The following PAX4 variants were observed in gnomAD, a reference collection of about 807,000 sequenced individuals.
PAX4 encodes paired box protein Pax-4.
In PAX4, 33 loss-of-function variants were observed where a neutral mutation model predicts 40.6. The observed-to-expected ratio is 0.81, with a 90% CI of 0.62 to 1.09. The LOEUF is 1.09. Ranked by LOEUF, PAX4 falls within the 50% of genes least tolerant of loss-of-function variation. The pLI, the probability that PAX4 is intolerant of heterozygous loss-of-function variation, is 0.00. For synonymous variants in PAX4, 174 were observed against 170.6 expected, an observed-to-expected ratio of 1.02 and a Z score of -0.16; for missense variants, 459 against 442.5, an observed-to-expected ratio of 1.04 and a Z score of -0.33.
Position 127,611,150 on chromosome 7 carries a change from G to A in PAX4, c.970C>T (p.Pro324Ser), listed in dbSNP as rs746872756. ...CTGGCCAGGTGACAGTGGGAGGAAG[G>A]GCAAGGAAGGCAAAGCAGTCCTGAG... ...LDSGLLCLPC[P>S]SSHCHLASLS... The change falls in exon 12 of 12, where the codon CCT (proline) becomes TCT (serine). Residue 324 changes from proline to serine, a missense_variant. Physicochemically the swap from Pro to Ser is moderately conservative, Grantham distance 74 (BLOSUM62 -1). Coordinates refer to ENST00000639438, the MANE Select transcript of PAX4 (RefSeq NM_001366110.1). 3.1e-6 allele frequency: 5 copies of A among 1,605,008 alleles called. No homozygotes were observed. The highest frequency in any genetic ancestry group is 4.3e-6 in the Non-Finnish European group (5 of 1,175,652).
At chr7:127,611,446 C>A (rs1794623610) in intron 11 of PAX4, 89 bp downstream of exon 11, 10 of 1,604,120 alleles carry the variant, frequency 6.2e-6, no homozygotes, top group Non-Finnish European at 8.5e-6. Context: ...CCTTTGATGA[C>A]CCCCAATGGA....
chr7:127,614,131 G>A (rs948390979), intron 6 of PAX4, among the ~76,000 whole-genome samples: 35 of 152,056 alleles, frequency 2.3e-4, no homozygotes, highest in Middle Eastern at 3.2e-3. Context: ...TGGTCCAGGG[G>A]TGTGTTATCC....
At chr7:127,614,660 C>A (rs993009086) in intron 5 of PAX4, 103 bp from the exon 6 acceptor site, 1 of 1,159,138 alleles carries the variant, frequency 8.6e-7, no homozygotes, top group African/African-American at 1.5e-5. Context: ...TCTCCACCTA[C>A]ACATTGTTCC....
rs1232896983 is a variant in PAX4 at position 127,610,806 on chromosome 7, C to T, written c.*258G>A. On this transcript the variant is annotated 3_prime_UTR_variant, in exon 12 of 12. Transcript: ENST00000639438. ...AACATGATGGACAACAGAACTACTG[C>T]TAATAAAAACAGCTTTTATTACTGC... is the stretch of plus-strand genomic sequence containing the variant. 2 of 1,407,820 alleles carry T rather than the reference C, an allele frequency of 1.4e-6. No homozygotes were observed. Among genetic ancestry groups the T allele is most frequent in the African/African-American group, 2.8e-5 (2 of 70,570 alleles). The allele number at this position is 1,407,820 out of a possible 1,614,324, so 87.2% of individuals were successfully genotyped here.
chr7:127,614,259 C>G (rs1794685820), intron 6 of PAX4, among the ~76,000 whole-genome samples: 1 of 152,126 alleles, frequency 6.6e-6, no homozygotes, highest in Non-Finnish European at 1.5e-5. Context: ...GACCTGTGTT[C>G]TGTTCCAGGG....
intron 9 of PAX4, among the ~76,000 whole-genome samples, 165 bp downstream of exon 9, chr7:127,612,857 A>G (rs1794656915): frequency 6.8e-6 from 1 of 145,996 alleles, no homozygotes. Flanking sequence ...TGAATGGATG[A>G]ATGGATGGAT....
chr7:127,615,316 C>A, intron 4 of PAX4, 85 bp downstream of exon 4: 1 of 1,612,168 alleles, frequency 6.2e-7, no homozygotes, highest in Non-Finnish European at 8.5e-7. Flanking sequence ...TCAGAGCCTG[C>A]AACAGCCCCA....
At chr7:127,615,240 G>A (rs1427050008) in intron 4 of PAX4, 145 bp from the exon 5 acceptor site, 1 of 1,591,000 alleles carries the variant, frequency 6.3e-7, no homozygotes, top group African/African-American at 1.3e-5. Flanking sequence ...ACCTTTGAGG[G>A]CCTGAGGCTC....
At chr7:127,612,258 G>A (rs1794639745) in intron 9 of PAX4, among the ~76,000 whole-genome samples, 1 of 152,234 alleles carries the variant, frequency 6.6e-6, no homozygotes, top group Non-Finnish European at 1.5e-5. Context: ...GACTGTGTGT[G>A]CCCAGCATCT....
chr7:127,613,988 G>T, intron 6 of PAX4, 107 bp from the exon 7 acceptor site: 1 of 1,338,174 alleles, frequency 7.5e-7, no homozygotes, highest in Non-Finnish European at 1.0e-6. Context: ...ATGGGTAGAA[G>T]AGCAGAGCCA....
intron 10 of PAX4, 66 bp downstream of exon 10, chr7:127,611,879 G>C: frequency 2.5e-6 from 4 of 1,609,292 alleles, no homozygotes; most frequent in Non-Finnish European, 3.4e-6. Flanking sequence ...GCTCAGGCCA[G>C]AAATGGAAGA....
rs761843506 is a variant in PAX4, at chr7:127,615,195, A to C, written c.145-100T>G. On this transcript the variant is annotated intron_variant, in intron 4 of 11. Coordinates refer to ENST00000639438, the MANE Select transcript of PAX4 (RefSeq NM_001366110.1). ...AGGCTATAAGACAAAGCCAAGACTT[A>C]CTGGACCAGGCCATGAAGTCGGGAG... 4 of 1,603,904 alleles carry C rather than the reference A, an allele frequency of 2.5e-6. No homozygotes were observed. The South Asian group carries it at 4.4e-5, about 18-fold the overall frequency.
chr7:127,617,456 AT>A (rs1490862698), intron 1 of PAX4, 56 bp from the exon 2 acceptor site: 1 of 152,138 alleles, frequency 6.6e-6, no homozygotes, highest in African/African-American at 2.4e-5. Flanking sequence ...AGAAGCTACA[AT>A]TTCTGGCTCC....
intron 2 of PAX4, among the ~76,000 whole-genome samples, chr7:127,616,651 C>T (rs975990861): frequency 5.3e-5 from 8 of 152,200 alleles, no homozygotes; most frequent in Non-Finnish European, 7.3e-5. Context: ...TCCTAGGAGA[C>T]GCATCTCTTA....
rs114315130 is a variant in PAX4, at chr7:127,613,524, G to A, written c.571C>T (p.Arg191Cys). Residue 191 changes from arginine (R) to cysteine (C), a missense_variant, in exon 8 of 12, where the codon CGT becomes TGT. Arg to Cys is a radical substitution (Grantham distance 180). Transcript: ENST00000639438. The part of the protein sequence containing the change: ...QAEALEKEFQ[R>C]GQYPDSVARG... ...GCCACTGAATCAGGATACTGCCCACGCTGGAACTCTGCGGAGATCGAGTCT... is the reference window on the plus strand; with the variant it reads ...GCCACTGAATCAGGATACTGCCCACACTGGAACTCTGCGGAGATCGAGTCT... 439 of 1,614,124 alleles carry A rather than the reference G, an allele frequency of 2.7e-4. 1 individual carries two copies. In the East Asian group the frequency reaches 9.4e-3, roughly 35 times the overall value.
rs1041870341 is a variant in PAX4, at chr7:127,616,043, G to C, written c.-99-16C>G. 3.3e-6 allele frequency: 4 copies of C among 1,221,034 alleles called. No individual in the cohort carries two copies. The highest frequency in any genetic ancestry group is 4.6e-6 in the Non-Finnish European group (4 of 866,706). The allele number at this position is 1,221,034 out of a possible 1,614,324, so 75.6% of individuals were successfully genotyped here. On this transcript the variant is annotated splice_polypyrimidine_tract_variant and intron_variant, in intron 2 of 11. Transcript: ENST00000639438. ...GGGGCTGGCTCTGCAATAATGGGGG[G>C]TTATTTGGGTGAGGTCTTTTGCTTG...
rs1372762551 is a variant in PAX4, at chr7:127,611,520, G to C, written c.913+15C>G. The C allele has an allele frequency of 6.2e-7, 1 of 1,613,550 alleles. No homozygotes were observed. The highest frequency in any genetic ancestry group is 8.5e-7 in the Non-Finnish European group (1 of 1,179,828). Reference sequence around the variant, plus strand: ...CCTACATCCTGCAGGACTGAGGCCTGGCCTGAATTCTTACCCCAGCAGGGC... The same window carrying C: ...CCTACATCCTGCAGGACTGAGGCCTCGCCTGAATTCTTACCCCAGCAGGGC... On this transcript the variant is annotated intron_variant, in intron 11 of 11. Transcript: ENST00000639438.
Position 127,610,810 on chromosome 7 carries a change from T to A in PAX4, c.*254A>T, listed in dbSNP as rs770487003. On this transcript the variant is annotated 3_prime_UTR_variant, in exon 12 of 12. Transcript: ENST00000639438. The stretch of plus-strand genomic sequence containing the variant: ...TGATGGACAACAGAACTACTGCTAA[T>A]AAAAACAGCTTTTATTACTGCTGAG... 4.6e-5 allele frequency: 68 copies of A among 1,471,302 alleles called. No individual in the cohort carries two copies. In the African/African-American group the frequency reaches 8.2e-4, roughly 18 times the overall value. 91.1% of individuals were successfully genotyped at this position (1,471,302 alleles called of 1,614,324 possible). A position where few individuals can be genotyped will look rare whatever the true frequency, so the allele number is the denominator to read the frequency against.
At chr7:127,614,292 C>T (rs1260645423) in intron 6 of PAX4, among the ~76,000 whole-genome samples, 190 bp downstream of exon 6, 1 of 152,058 alleles carries the variant, frequency 6.6e-6, no homozygotes, top group African/African-American at 2.4e-5. Flanking sequence ...TAGGTGGTGA[C>T]CTTGGGTAAG....
Sources: allele counts gnomAD v4.1 joint callset (sites outside exome capture counted in the v4.1 genomes callset), GRCh38; gene constraint gnomAD v4.1.1; transcripts MANE v1.5; gene names NCBI Gene and HGNC (gene_info 2026-07-23, HGNC 2026-07-21).